Variants in IL9R observed in about 807,000 individuals in gnomAD.
The protein encoded by IL9R is interleukin 9 receptor, also known as interleukin-9 receptor.
A neutral mutation model predicts 56.3 loss-of-function variants in IL9R; 54 were observed. The observed-to-expected ratio is 0.96, with a 90% CI of 0.77 to 1.20. The LOEUF is 1.20. Among genes scored for constraint, IL9R ranks in the 50% most tolerant of loss-of-function variants. The pLI is 0.00. For missense variants in IL9R, 545 were observed against 629.8 expected (o/e 0.87, Z 1.44); for synonymous variants, 212 against 250.2 (o/e 0.85, Z 1.44).
intron 1 of IL9R, among the ~76,000 whole-genome samples, chrX:156,001,771 C>A (rs1295516586): frequency 6.6e-6 from 1 of 152,158 alleles, no homozygotes; most frequent in Non-Finnish European, 1.5e-5. Flanking sequence ...GATAGGGCGT[C>A]AGCGGCCTTC....
At chrX:156,008,812 T>C (rs1440678481) in intron 8 of IL9R, among the ~76,000 whole-genome samples, 3 of 152,212 alleles carry the variant, frequency 2.0e-5, no homozygotes, top group African/African-American at 4.8e-5. Context: ...CCAGGTCTGC[T>C]GGCCATAGCC....
At chrX:156,005,613 C>A in intron 6 of IL9R, 134 bp downstream of exon 6, 3 of 740,088 alleles carry the variant, frequency 4.1e-6, no homozygotes, top group Non-Finnish European at 7.0e-6. Context: ...AGTTGACCCC[C>A]TTCCTCTGAA....
At chrX:156,007,870 A>G (rs2541680) in intron 8 of IL9R, 84,347 of 338,036 alleles carry the variant, frequency 0.25, 14,075 homozygotes, top group South Asian at 0.47. Context: ...AATTTCTCAT[A>G]ACTTATCTCT....
rs2067689440 is a variant in IL9R, at chrX:156,003,601, G to T, written c.254+41G>T. 5 of 1,609,430 alleles carry T rather than the reference G, an allele frequency of 3.1e-6. No homozygotes were observed. In the Admixed American group the frequency reaches 6.7e-5, roughly 21 times the overall value. The stretch of plus-strand genomic sequence containing the variant: ...CATGCCCACCTGGACAGGGATGAGG[G>T]TGAGTTCCCCAGGATTGAAGCAGCT... On this transcript the variant is annotated intron_variant, in intron 3 of 8. Transcript: ENST00000244174.
rs763960793 is a variant in IL9R, at chrX:156,007,716, G to C, written c.972+109G>C. On this transcript the variant is annotated intron_variant, in intron 8 of 8. Coordinates refer to ENST00000244174, the MANE Select transcript of IL9R (RefSeq NM_002186.3). ...GGTTGGCGGCCAGTATGGGAGGCTT[G>C]TCAGTGCTTGGAGCCTTTTTTGTAT... 1.3e-5 allele frequency: 8 copies of C among 607,024 alleles called. No individual in the cohort carries two copies. In the African/African-American group the frequency reaches 2.5e-4, roughly 19 times the overall value. The allele number at this position is 607,024 out of a possible 1,614,324, so 37.6% of individuals were successfully genotyped here.
intron 8 of IL9R, among the ~76,000 whole-genome samples, chrX:156,009,219 ATGTGTCTGTGTGTGTTCGTGTGGTGTG>A (rs1222075132): frequency 4.7e-5 from 3 of 63,568 alleles, no homozygotes; most frequent in African/African-American, 2.7e-4. Flanking sequence ...GTGTGTGTTT[ATGTGTCTGTGTGTGTTCGTGTGGTGTG>A]TGTGTCTGTG....
At position 156,005,281 on chromosome X, in the gene IL9R, GC is replaced by G. The variant is rs1179647183; in HGVS notation, c.586del (p.Gln196SerfsTer9). The G allele has an allele frequency of 6.2e-7, 1 of 1,611,840 alleles. No homozygotes were observed. The highest frequency in any genetic ancestry group is 8.5e-7 in the Non-Finnish European group (1 of 1,179,818). On this transcript the variant is annotated frameshift_variant, in exon 6 of 9. Coordinates refer to ENST00000244174, the MANE Select transcript of IL9R (RefSeq NM_002186.3). LOFTEE classifies it high-confidence loss of function. ...CTAACTGTCCCCACCCCCACAGCAG[GC>G]CCAGCACAGGGATCACATTGTCGGG... Reference protein sequence around the residue: ...FKKQEEAWEQAQHRDHIVGVT... With the variant: ...FKKQEEAWEQXQHRDHIVGVT...
chrX:156,006,759 T>C (rs756003942), intron 7 of IL9R, among the ~76,000 whole-genome samples: 58 of 151,826 alleles, frequency 3.8e-4, no homozygotes, highest in African/African-American at 1.1e-3. Flanking sequence ...TGGGGCTAAG[T>C]GGGAGGGTGC....
chrX:156,000,257 G>A (rs1461729725), intron 1 of IL9R, among the ~76,000 whole-genome samples: 14 of 152,200 alleles, frequency 9.2e-5, no homozygotes, highest in Admixed American at 2.6e-4. Flanking sequence ...GAGGCACAGA[G>A]ATGCTCAGGG....
At chrX:156,009,248 G>GTA (rs2068283375) in intron 8 of IL9R, among the ~76,000 whole-genome samples, 2 of 94,962 alleles carry the variant, frequency 2.1e-5, no homozygotes, top group Admixed American at 1.1e-4. Context: ...TGTGGTGTGT[G>GTA]TGTCTGTGTG....
chrX:156,001,586 G>T lies in IL9R; in HGVS notation c.29-1320G>T, dbSNP rs1467544242. 5.7e-6 allele frequency: 6 copies of T among 1,054,764 alleles called. No individual in the cohort carries two copies. The African/African-American group carries it at 9.4e-5, about 16-fold the overall frequency. 65.3% of individuals were successfully genotyped at this position (1,054,764 alleles called of 1,614,324 possible). A position where few individuals can be genotyped will look rare whatever the true frequency, so the allele number is the denominator to read the frequency against. ...TATACGCTGCCGGGAGTGGGGCAGA[G>T]TGGGGTTAGAGTAGTGCCTGCTGCC... On this transcript the variant is annotated intron_variant, in intron 1 of 8. Coordinates refer to ENST00000244174, the MANE Select transcript of IL9R (RefSeq NM_002186.3).
At chrX:155,998,722 G>A (rs192842408) in intron 1 of IL9R, among the ~76,000 whole-genome samples, 15 of 152,076 alleles carry the variant, frequency 9.9e-5, no homozygotes, top group East Asian at 3.9e-4. Context: ...CAGGTGGGGC[G>A]GGGGTTGGAA....
At chrX:156,004,692 T>C (rs2067791840) in intron 5 of IL9R, 127 bp downstream of exon 5, 4 of 922,004 alleles carry the variant, frequency 4.3e-6, no homozygotes, top group Admixed American at 4.3e-5. Context: ...GAGCGGGGTG[T>C]GTGTGCACAC....
At chrX:156,004,259 C>T in intron 4 of IL9R, 161 bp from the exon 5 acceptor site, 1 of 677,062 alleles carries the variant, frequency 1.5e-6, no homozygotes, top group Non-Finnish European at 2.6e-6. Context: ...CTGTCCTGTC[C>T]CGCCTGGGGC....
chrX:156,000,619 C>T (rs779333388), intron 1 of IL9R, among the ~76,000 whole-genome samples: 1 of 152,290 alleles, frequency 6.6e-6, no homozygotes, highest in East Asian at 1.9e-4. Context: ...CACAACCGGC[C>T]TGTTACCAGG....
intron 2 of IL9R, 91 bp downstream of exon 2, chrX:156,003,110 A>G: frequency 3.9e-6 from 6 of 1,552,950 alleles, no homozygotes; most frequent in Non-Finnish European, 5.3e-6. Context: ...GCCTCTAGGG[A>G]AAGGTTTGGC....
In IL9R at chrX:156,004,556, G is replaced by T. The variant is rs775512588; in HGVS notation, c.570G>T (p.Glu190Asp). 1 of 1,612,448 alleles carries T rather than the reference G, an allele frequency of 6.2e-7. No homozygotes were observed. The highest frequency in any genetic ancestry group is 2.2e-5 in the East Asian group (1 of 44,886). Residue 190 changes from glutamate to aspartate, a missense_variant, in exon 5 of 9, where the codon GAG becomes GAT. This residue lies in a region of IL9R where 431 missense variants were observed against 360.0 expected (regional missense o/e 1.20). Coordinates refer to ENST00000244174, the MANE Select transcript of IL9R (RefSeq NM_002186.3). ...SYELAFKKQE[E>D]AWEQAQHRDH... is the part of the protein sequence containing the mutation. Reference sequence around the variant, plus strand: ...AGCTGGCCTTCAAGAAGCAGGAAGAGGCCTGGGAGGTAACACTTTGGCTGG... The same window carrying T: ...AGCTGGCCTTCAAGAAGCAGGAAGATGCCTGGGAGGTAACACTTTGGCTGG...
chrX:156,004,379 C>T (rs1444470631), intron 4 of IL9R, 41 bp from the exon 5 acceptor site: 4 of 1,610,158 alleles, frequency 2.5e-6, no homozygotes, highest in East Asian at 2.2e-5. Context: ...CACACCCAGA[C>T]CCATGGGGCT....
At chrX:155,998,967 A>C (rs967493733) in intron 1 of IL9R, among the ~76,000 whole-genome samples, 8 of 151,888 alleles carry the variant, frequency 5.3e-5, no homozygotes, top group African/African-American at 1.9e-4. Flanking sequence ...CTCCCAGGGG[A>C]CTGTGCCAAT....
Sources: allele counts gnomAD v4.1 joint callset (sites outside exome capture counted in the v4.1 genomes callset), GRCh38; gene constraint gnomAD v4.1.1; regional missense constraint gnomAD v4.1.1; transcripts MANE v1.5; gene names NCBI Gene and HGNC (gene_info 2026-07-23, HGNC 2026-07-21).